Variants in RAB11FIP3 observed in about 807,000 individuals in gnomAD.
RAB11FIP3 encodes rab11 family-interacting protein 3.
A neutral mutation model predicts 77.8 loss-of-function variants in RAB11FIP3; 17 were observed. The ratio of observed to expected loss-of-function variants is 0.22; its 90% CI spans 0.15 to 0.33. The LOEUF (loss-of-function observed/expected upper bound fraction) is 0.33, where lower values mean the gene tolerates loss of function less well. Among genes scored for constraint, RAB11FIP3 ranks in the 10% least tolerant of loss-of-function variants. RAB11FIP3 has a pLI of 1.00. For missense variants in RAB11FIP3, 1,005 were observed against 1,011.2 expected, an observed-to-expected ratio of 0.99 and a Z score of 0.08; for synonymous variants, 437 against 448.2, an observed-to-expected ratio of 0.98 and a Z score of 0.31.
intron 5 of RAB11FIP3, among the ~76,000 whole-genome samples, chr16:490,220 C>T (rs1013751694): frequency 6.6e-6 from 1 of 152,230 alleles, no homozygotes; most frequent in Admixed American, 6.5e-5. Context: ...TGGGTCCCAG[C>T]GCCCGCGATG....
chr16:496,974 G>C (rs2031193254), intron 6 of RAB11FIP3, 115 bp downstream of exon 6: 1 of 1,199,710 alleles, frequency 8.3e-7, no homozygotes. Flanking sequence ...ACTCTTGCAA[G>C]TTACTTTACA....
intron 1 of RAB11FIP3, among the ~76,000 whole-genome samples, chr16:434,249 G>A (rs777758783): frequency 3.9e-4 from 60 of 152,178 alleles, no homozygotes; most frequent in Non-Finnish European, 2.2e-4. Flanking sequence ...AGCCTCCTTA[G>A]TAGCTGGGAT....
chr16:437,917 C>T (rs2055158741), intron 1 of RAB11FIP3, among the ~76,000 whole-genome samples: 1 of 152,102 alleles, frequency 6.6e-6, no homozygotes, highest in African/African-American at 2.4e-5. Flanking sequence ...TCAAGTGATT[C>T]TCCTGCCTTA....
chr16:461,752 A>C lies in RAB11FIP3; in HGVS notation c.808+255A>C. Among the ~76,000 whole-genome samples, 1 of 152,090 alleles carries C rather than the reference A, an allele frequency of 6.6e-6. No individual in the cohort carries two copies. The highest frequency in any genetic ancestry group is 1.5e-5 in the Non-Finnish European group (1 of 68,030). On this transcript the variant is annotated intron_variant, in intron 2 of 13. Coordinates refer to ENST00000262305, the MANE Select transcript of RAB11FIP3 (RefSeq NM_014700.4). This position sits in a 1 kb window ranked among gnomAD's most constrained non-coding sequence, Gnocchi z 4.5. ...AAAGCAACTGCCCCCTTCCTCAAAG[A>C]TTTCATGATGACAATTTGAGAATTT...
chr16:438,528 C>A (rs1397195655), intron 1 of RAB11FIP3, among the ~76,000 whole-genome samples: 2 of 150,936 alleles, frequency 1.3e-5, no homozygotes, highest in African/African-American at 4.9e-5. Flanking sequence ...GCCTCAGCCT[C>A]ACGAGTAGCT....
intron 7 of RAB11FIP3, among the ~76,000 whole-genome samples, chr16:503,450 G>C (rs944519418): frequency 3.9e-5 from 6 of 152,130 alleles, no homozygotes; most frequent in African/African-American, 1.4e-4. Flanking sequence ...ACGCGACCTG[G>C]GGCACCCATG....
chr16:459,713 C>T (rs772551713), intron 1 of RAB11FIP3, among the ~76,000 whole-genome samples: 6 of 152,058 alleles, frequency 3.9e-5, no homozygotes, highest in South Asian at 2.1e-4. Context: ...GGAATACAGG[C>T]GTGAGCCACA....
chr16:454,773 G>T (rs565265225), intron 1 of RAB11FIP3, among the ~76,000 whole-genome samples: 1 of 152,074 alleles, frequency 6.6e-6, no homozygotes, highest in Non-Finnish European at 1.5e-5. Flanking sequence ...TTGGCCGGGC[G>T]CAGTGGCTCA....
At chr16:511,840 G>A (rs1168414944) in intron 9 of RAB11FIP3, among the ~76,000 whole-genome samples, 17 of 102,046 alleles carry the variant, frequency 1.7e-4, no homozygotes, top group East Asian at 9.2e-4. Context: ...CTGACGGCCC[G>A]CCAACCCCAG....
At chr16:480,658 C>G (rs145229294) in intron 3 of RAB11FIP3, among the ~76,000 whole-genome samples, 22,386 of 151,920 alleles carry the variant, frequency 0.15, 2,327 homozygotes, top group African/African-American at 0.3. Flanking sequence ...CGCCACCACA[C>G]CTGGCTAATT....
In RAB11FIP3 at chr16:472,026, G is replaced by A. The variant is rs1342960995; in HGVS notation, c.903+637G>A. On this transcript the variant is annotated intron_variant, in intron 3 of 13. Transcript: ENST00000262305. The surrounding 1 kb of genome is among the most constrained non-coding windows in gnomAD (Gnocchi z 4.1). ...GGGGGCCGCCGGGAAGGTGGAGGTG[G>A]CAGCCGCCAGTCCTGGTCAGCCTGC... Among the ~76,000 whole-genome samples, 1 of 152,218 alleles carries A rather than the reference G, an allele frequency of 6.6e-6. No individual in the cohort carries two copies. Among genetic ancestry groups the A allele is most frequent in the Non-Finnish European group, 1.5e-5 (1 of 68,032 alleles).
rs187990709 is a variant in RAB11FIP3 at position 450,739 on chromosome 16, T to G, written c.715-10665T>G. Among the ~76,000 whole-genome samples the G allele has an allele frequency of 4.6e-3, 703 of 152,278 alleles. 2 individuals are homozygous for G. Among genetic ancestry groups the G allele is most frequent in the Non-Finnish European group, 5.8e-3 (393 of 68,010 alleles). On this transcript the variant is annotated intron_variant, in intron 1 of 13. Transcript: ENST00000262305. Reference sequence around the variant, plus strand: ...AAAGCAAGGTGGGAATGGAGTTCTATGAGCTGAGGAGTCCCAGCTGGCTCG... The same window carrying G: ...AAAGCAAGGTGGGAATGGAGTTCTAGGAGCTGAGGAGTCCCAGCTGGCTCG...
Position 441,367 on chromosome 16 carries a change from A to T in RAB11FIP3, c.714+14647A>T, listed in dbSNP as rs373659240. ...CGATTAAACAAACCCATGCTCTAGG[A>T]GTACACAGCAGGGGACATGAGGTCT... On this transcript the variant is annotated intron_variant, in intron 1 of 13. Coordinates refer to ENST00000262305, the MANE Select transcript of RAB11FIP3 (RefSeq NM_014700.4). Among the ~76,000 whole-genome samples, 7 of 152,192 alleles carry T rather than the reference A, an allele frequency of 4.6e-5. No homozygotes were observed. The East Asian group carries it at 1.2e-3, about 25-fold the overall frequency.
chr16:447,992 G>GA (rs35119718), intron 1 of RAB11FIP3, among the ~76,000 whole-genome samples: 6 of 64,198 alleles, frequency 9.3e-5, no homozygotes, highest in African/African-American at 1.4e-4. Context: ...AAAGGAAAAA[G>GA]AAAAAAAACT....
At chr16:467,356 T>TGAGCTGACTGCA (rs1391763082) in intron 2 of RAB11FIP3, among the ~76,000 whole-genome samples, 14 of 151,936 alleles carry the variant, frequency 9.2e-5, no homozygotes, top group Admixed American at 3.3e-4. Flanking sequence ...GGTGGGACAC[T>TGAGCTGACTGCA]GAGCTGACTG....
chr16:445,555 C>T (rs2055301804), intron 1 of RAB11FIP3, among the ~76,000 whole-genome samples: 1 of 152,194 alleles, frequency 6.6e-6, no homozygotes, highest in South Asian at 2.1e-4. Flanking sequence ...TAATCTCCCC[C>T]TTGCCCACCC....
chr16:450,154 C>T (rs1004193268), intron 1 of RAB11FIP3, among the ~76,000 whole-genome samples: 5 of 151,988 alleles, frequency 3.3e-5, no homozygotes, highest in Admixed American at 2.6e-4. Context: ...TTTGACCTGC[C>T]GAACGTGCAC....
At chr16:455,487 A>T (rs1004388769) in intron 1 of RAB11FIP3, among the ~76,000 whole-genome samples, 3 of 151,886 alleles carry the variant, frequency 2.0e-5, no homozygotes, top group African/African-American at 7.3e-5. Flanking sequence ...AAAAAAAAAA[A>T]AGAATTGAGA....
intron 9 of RAB11FIP3, among the ~76,000 whole-genome samples, chr16:517,098 C>T (rs560549515): frequency 2.6e-5 from 4 of 152,266 alleles, no homozygotes; most frequent in East Asian, 3.9e-4. Context: ...GGAAGGGCCC[C>T]GCACCTCTGT....
Sources: gnomAD v4.1 joint callset for allele counts (sites outside exome capture counted in the v4.1 genomes callset) on GRCh38, gnomAD v4.1.1 for gene constraint, Gnocchi (gnomAD v3.1) non-coding constraint, MANE v1.5 for transcripts, NCBI Gene and HGNC (gene_info 2026-07-23, HGNC 2026-07-21) for gene names.